Variants in ATXN7 observed in about 807,000 individuals in gnomAD.
ATXN7 encodes the protein ataxin 7.
Under a neutral mutation model 70.5 loss-of-function variants are expected in ATXN7, and 12 were observed. The ratio of observed to expected loss-of-function variants is 0.17; its 90% CI spans 0.11 to 0.28. The LOEUF is 0.28. ATXN7 is among the 10% of genes least tolerant of loss of function. The probability of loss-of-function intolerance (pLI) is 1.00; values close to 1 mark genes in which losing one functional copy is unlikely to be tolerated. For synonymous variants in ATXN7, 498 were observed against 448.7 expected, an observed-to-expected ratio of 1.11 and a Z score of -1.39; for missense variants, 1,256 against 1,131.7, an observed-to-expected ratio of 1.11 and a Z score of -1.58.
intron 1 of ATXN7, chr3:63,864,458 G>A (rs924216306): frequency 1.3e-5 from 2 of 152,206 alleles, no homozygotes; most frequent in Admixed American, 1.3e-4. Context: ...CGGCACTTGC[G>A]CGGGGCGCGG....
Position 63,952,386 on chromosome 3 carries a change from A to T in ATXN7, c.402A>T (p.Pro134=). Residue 134 remains proline (P), a synonymous_variant, in exon 5 of 13, where the codon CCA becomes CCT. Coordinates refer to ENST00000674280, the MANE Select transcript of ATXN7 (RefSeq NM_001377405.1). ...TCTGTTTCTGTGTTGCAGACATGCCAATATTTGGTTTCTGTCCAGCCCATG... is the reference window on the plus strand; with the variant it reads ...TCTGTTTCTGTGTTGCAGACATGCCTATATTTGGTTTCTGTCCAGCCCATG... ...EVMGLCREDM[P]IFGFCPAHDD... is the part of the protein sequence containing the mutation. The T allele has an allele frequency of 1.3e-5, 21 of 1,608,996 alleles. No homozygotes were observed. The highest frequency in any genetic ancestry group is 1.8e-5 in the Non-Finnish European group (21 of 1,178,154).
At chr3:63,989,944 G>C (rs961874865) in intron 9 of ATXN7, among the ~76,000 whole-genome samples, 7 of 152,152 alleles carry the variant, frequency 4.6e-5, no homozygotes, top group South Asian at 2.1e-4. Context: ...GAAAGGATTC[G>C]TTCTAAGTTA....
In ATXN7 at chr3:63,966,847, T is replaced by G. The variant is rs530395278; in HGVS notation, c.500-13068T>G. Among the ~76,000 whole-genome samples, 15 of 152,360 alleles carry G rather than the reference T, an allele frequency of 9.8e-5. 1 individual carries two copies. Among genetic ancestry groups the G allele is most frequent in the East Asian group, 3.9e-4 (2 of 5,188 alleles). On this transcript the variant is annotated intron_variant, in intron 5 of 12. Coordinates refer to ENST00000674280, the MANE Select transcript of ATXN7 (RefSeq NM_001377405.1). Reference sequence around the variant, plus strand: ...TTCTGTAGAAGAATCTTTTGCTGCTTCTTTTGACATTTAAAAGAGTTCATT... The same window carrying G: ...TTCTGTAGAAGAATCTTTTGCTGCTGCTTTTGACATTTAAAAGAGTTCATT...
In ATXN7 at chr3:63,913,153, C is replaced by CTA. The variant is rs761707904; in HGVS notation, c.326-3_326-2dup. 55 of 1,613,448 alleles carry CTA rather than the reference C, an allele frequency of 3.4e-5. No individual in the cohort carries two copies. The highest frequency in any genetic ancestry group is 4.5e-5 in the Non-Finnish European group (53 of 1,179,710). Reference sequence around the variant, plus strand: ...CCCTCCTCCTGTGTGTGTATATCTCCTAGGGACAGAATTGGACGAAAGTTT... The same window carrying CTA: ...CCCTCCTCCTGTGTGTGTATATCTCCTATAGGGACAGAATTGGACGAAAGTTT... On this transcript the variant is annotated splice_region_variant and splice_polypyrimidine_tract_variant and intron_variant, in intron 3 of 12. Transcript: ENST00000674280.
At chr3:63,923,681 C>T (rs1704588965) in intron 4 of ATXN7, among the ~76,000 whole-genome samples, 1 of 152,124 alleles carries the variant, frequency 6.6e-6, no homozygotes, top group Admixed American at 6.6e-5. Flanking sequence ...GTAATCCCAG[C>T]TACTCAGGAG....
chr3:63,890,725 C>T (rs1575852752), intron 1 of ATXN7, among the ~76,000 whole-genome samples: 1 of 152,148 alleles, frequency 6.6e-6, no homozygotes, highest in Non-Finnish European at 1.5e-5. Flanking sequence ...TAAGAGTAGG[C>T]TAACTGCTAT....
intron 5 of ATXN7, among the ~76,000 whole-genome samples, chr3:63,960,986 A>T (rs927411956): frequency 6.6e-6 from 1 of 152,172 alleles, no homozygotes; most frequent in African/African-American, 2.4e-5. Flanking sequence ...TTTATTGACT[A>T]ACAAAAACCA....
chr3:63,878,417 C>A (rs1386378613), intron 1 of ATXN7: 1 of 152,216 alleles, frequency 6.6e-6, no homozygotes, highest in Non-Finnish European at 1.5e-5. Context: ...TCAGTATTCT[C>A]CTGCACTGAC....
chr3:63,927,559 C>G (rs1467654529), intron 4 of ATXN7, among the ~76,000 whole-genome samples: 1 of 152,094 alleles, frequency 6.6e-6, no homozygotes, highest in Non-Finnish European at 1.5e-5. Context: ...TCCTGGTATT[C>G]TTTTTTGATT....
chr3:63,998,285 T>G (rs545170473), intron 12 of ATXN7: 2 of 983,912 alleles, frequency 2.0e-6, no homozygotes, highest in South Asian at 9.4e-5. Flanking sequence ...TTCCAGACAT[T>G]TGTTACCAGT....
chr3:63,888,296 A>G (rs547447419), intron 1 of ATXN7, among the ~76,000 whole-genome samples: 30 of 152,322 alleles, frequency 2.0e-4, no homozygotes, highest in Middle Eastern at 3.4e-3. Flanking sequence ...GGAATTTGCA[A>G]AGATGGTCCA....
intron 5 of ATXN7, among the ~76,000 whole-genome samples, chr3:63,965,241 T>G (rs2075200215): frequency 6.6e-6 from 1 of 152,188 alleles, no homozygotes. Flanking sequence ...GTGCTGGGCG[T>G]TGCATTACCT....
At position 64,001,275 on chromosome 3, in the gene ATXN7, A is replaced by G. The variant is rs1250222016; in HGVS notation, c.*1808A>G. ...CAGTATCTTGTTCAATTATTATGCA[A>G]TCAATCAGTAAATGTTTTTAAAATG... On this transcript the variant is annotated 3_prime_UTR_variant, in exon 13 of 13. Transcript: ENST00000674280. 8 of 152,204 alleles carry G rather than the reference A, an allele frequency of 5.3e-5. No homozygotes were observed. Among genetic ancestry groups the G allele is most frequent in the Non-Finnish European group, 7.3e-5 (5 of 68,042 alleles). The allele number at this position is 152,204 out of a possible 1,614,324, so 9.4% of individuals were successfully genotyped here. A position where few individuals can be genotyped will look rare whatever the true frequency, so the allele number is the denominator to read the frequency against.
rs1372285284 is a variant in ATXN7, at chr3:63,999,787, C to T, written c.*320C>T. The T allele has an allele frequency of 2.0e-6, 1 of 508,726 alleles. No individual in the cohort carries two copies. Among genetic ancestry groups the T allele is most frequent in the Non-Finnish European group, 3.5e-6 (1 of 282,826 alleles). 31.5% of individuals were successfully genotyped at this position (508,726 alleles called of 1,614,324 possible). A position where few individuals can be genotyped will look rare whatever the true frequency, so the allele number is the denominator to read the frequency against. On this transcript the variant is annotated 3_prime_UTR_variant, in exon 13 of 13. Transcript: ENST00000674280. ...TTTTGTTTTTTAACTTGCAGTATAT[C>T]ACAGAGCCACTCTTCAAGTAGATTG...
At chr3:63,951,975 A>G (rs1400369700) in intron 4 of ATXN7, among the ~76,000 whole-genome samples, 3 of 152,190 alleles carry the variant, frequency 2.0e-5, no homozygotes, top group East Asian at 3.9e-4. Flanking sequence ...TAATTGTTCC[A>G]TAGAACTCAG....
At chr3:63,956,072 T>A (rs1343391156) in intron 5 of ATXN7, among the ~76,000 whole-genome samples, 1 of 152,224 alleles carries the variant, frequency 6.6e-6, no homozygotes, top group Non-Finnish European at 1.5e-5. Context: ...TGGTGAATGA[T>A]TGTGCTGCCA....
At chr3:63,987,981 G>A (rs548146108) in intron 8 of ATXN7, 78 bp from the exon 9 acceptor site, 2 of 1,527,746 alleles carry the variant, frequency 1.3e-6, no homozygotes, top group Non-Finnish European at 1.8e-6. Flanking sequence ...TATTTATTGG[G>A]AGTGGTGTTT....
At chr3:63,961,962 C>T (rs556862315) in intron 5 of ATXN7, among the ~76,000 whole-genome samples, 7 of 152,272 alleles carry the variant, frequency 4.6e-5, no homozygotes, top group Admixed American at 3.9e-4. Context: ...GATAAACACA[C>T]CTGCGATTTC....
At chr3:63,927,029 G>A (rs576257050) in intron 4 of ATXN7, among the ~76,000 whole-genome samples, 1 of 152,300 alleles carries the variant, frequency 6.6e-6, no homozygotes, top group Admixed American at 6.5e-5. Context: ...ATTCCATGGT[G>A]TGTATGTGCC....
Sources: allele counts gnomAD v4.1 joint callset (sites outside exome capture counted in the v4.1 genomes callset), GRCh38; gene constraint gnomAD v4.1.1; transcripts MANE v1.5; gene names NCBI Gene and HGNC (gene_info 2026-07-23, HGNC 2026-07-21).